ADAMTS3: variants seen among roughly 807,000 people sequenced by gnomAD.
ADAMTS3 encodes the protein A disintegrin and metalloproteinase with thrombospondin motifs 3.
A neutral mutation model predicts 129.0 loss-of-function variants in ADAMTS3; 73 were observed. That is an observed-to-expected ratio of 0.57 (90% CI 0.47 to 0.69). The LOEUF is 0.69. Among genes scored for constraint, ADAMTS3 ranks in the 30% least tolerant of loss-of-function variants. ADAMTS3 has a pLI of 0.00. For missense variants in ADAMTS3, 1,457 were observed against 1,514.5 expected, an observed-to-expected ratio of 0.96 and a Z score of 0.63; for synonymous variants, 477 against 510.8, an observed-to-expected ratio of 0.93 and a Z score of 0.89.
At chr4:72,371,926 C>T (rs1415513435) in intron 4 of ADAMTS3, among the ~76,000 whole-genome samples, 5 of 151,686 alleles carry the variant, frequency 3.3e-5, no homozygotes, top group African/African-American at 1.2e-4. Flanking sequence ...ATGAATCATT[C>T]TGTGTTCTCC....
intron 3 of ADAMTS3, among the ~76,000 whole-genome samples, chr4:72,458,804 T>C (rs910289359): frequency 6.6e-6 from 1 of 151,160 alleles, no homozygotes; most frequent in Non-Finnish European, 1.5e-5. Context: ...TCAGAAAGAG[T>C]TTCTACTCGT....
chr4:72,364,157 A>G (rs1206829398), intron 4 of ADAMTS3, among the ~76,000 whole-genome samples: 1 of 152,082 alleles, frequency 6.6e-6, no homozygotes, highest in Non-Finnish European at 1.5e-5. Context: ...ACCAATAAAC[A>G]TGAAAAATTC....
intron 3 of ADAMTS3, among the ~76,000 whole-genome samples, chr4:72,545,777 C>T (rs959177458): frequency 3.9e-5 from 6 of 152,198 alleles, no homozygotes; most frequent in Non-Finnish European, 5.9e-5. Context: ...GGTCTTCAGA[C>T]ATCGAGTTCT....
chr4:72,497,902 G>A (rs979387880), intron 3 of ADAMTS3, among the ~76,000 whole-genome samples: 1 of 151,992 alleles, frequency 6.6e-6, no homozygotes, highest in African/African-American at 2.4e-5. Flanking sequence ...GTGCCTCAAG[G>A]ACTTTTTCTC....
chr4:72,321,484 G>A (rs1688904635), intron 6 of ADAMTS3, among the ~76,000 whole-genome samples: 1 of 151,972 alleles, frequency 6.6e-6, no homozygotes, highest in African/African-American at 2.4e-5. Context: ...CTATTGTGAG[G>A]CAACTTAACA....
chr4:72,472,455 C>T (rs1425042353), intron 3 of ADAMTS3, among the ~76,000 whole-genome samples: 1 of 152,098 alleles, frequency 6.6e-6, no homozygotes, highest in East Asian at 1.9e-4. Context: ...ATAAAAATAA[C>T]TCAACATTCT....
intron 3 of ADAMTS3, among the ~76,000 whole-genome samples, chr4:72,444,344 A>G (rs1718197752): frequency 6.6e-6 from 1 of 151,710 alleles, no homozygotes; most frequent in South Asian, 2.1e-4. Context: ...ATCATAAAAA[A>G]CAGGTTGGTA....
intron 4 of ADAMTS3, among the ~76,000 whole-genome samples, chr4:72,388,044 C>A (rs1455283875): frequency 6.6e-6 from 1 of 152,120 alleles, no homozygotes; most frequent in African/African-American, 2.4e-5. Flanking sequence ...GACTGAAAAC[C>A]AGACTACTTT....
At chr4:72,390,412 C>T (rs1721561314) in intron 4 of ADAMTS3, among the ~76,000 whole-genome samples, 1 of 152,076 alleles carries the variant, frequency 6.6e-6, no homozygotes, top group Non-Finnish European at 1.5e-5. Context: ...ACTTGTCTTT[C>T]CCCATTTTAC....
chr4:72,436,443 T>C (rs1462210537), intron 3 of ADAMTS3, among the ~76,000 whole-genome samples: 2 of 152,128 alleles, frequency 1.3e-5, no homozygotes, highest in African/African-American at 4.8e-5. Context: ...TGGAAGACAG[T>C]GTGGCGATTC....
Position 72,568,827 on chromosome 4 carries a change from C to A in ADAMTS3, c.-65G>T. The A allele has an allele frequency of 1.7e-6, 2 of 1,177,646 alleles. No individual in the cohort carries two copies. Among genetic ancestry groups the A allele is most frequent in the Non-Finnish European group, 1.2e-6 (1 of 835,250 alleles). 72.9% of individuals were successfully genotyped at this position (1,177,646 alleles called of 1,614,324 possible). A position where few individuals can be genotyped will look rare whatever the true frequency, so the allele number is the denominator to read the frequency against. On this transcript the variant is annotated 5_prime_UTR_variant, in exon 1 of 22. Transcript: ENST00000286657. Reference sequence around the variant, plus strand: ...ATGCCCAGAGCAAACCCACCCCCCCCGCCCAAAATAAGTTTCTTTAAGAAA... The same window carrying A: ...ATGCCCAGAGCAAACCCACCCCCCCAGCCCAAAATAAGTTTCTTTAAGAAA...
intron 3 of ADAMTS3, among the ~76,000 whole-genome samples, chr4:72,454,694 G>A (rs1718496152): frequency 6.6e-6 from 1 of 151,618 alleles, no homozygotes; most frequent in Admixed American, 6.6e-5. Flanking sequence ...AAGACCAGGA[G>A]AAGGATATTA....
chr4:72,535,674 T>C (rs1182520960), intron 3 of ADAMTS3, among the ~76,000 whole-genome samples: 4 of 152,108 alleles, frequency 2.6e-5, no homozygotes, highest in Non-Finnish European at 5.9e-5. Context: ...TTCCTTTCAA[T>C]TGCCTCCACA....
intron 3 of ADAMTS3, among the ~76,000 whole-genome samples, chr4:72,467,232 C>T (rs2109989796): frequency 6.6e-6 from 1 of 152,074 alleles, no homozygotes; most frequent in Admixed American, 6.6e-5. Flanking sequence ...AAAATTATAC[C>T]TATTGATTTC....
At chr4:72,373,691 A>G (rs1721068548) in intron 4 of ADAMTS3, among the ~76,000 whole-genome samples, 1 of 151,898 alleles carries the variant, frequency 6.6e-6, no homozygotes, top group South Asian at 2.1e-4. Context: ...TTGGACCCAG[A>G]TGTTTGAGAC....
intron 3 of ADAMTS3, among the ~76,000 whole-genome samples, chr4:72,470,035 T>C (rs1719023003): frequency 6.6e-6 from 1 of 152,122 alleles, no homozygotes; most frequent in East Asian, 1.9e-4. Flanking sequence ...AACCTCCGCA[T>C]TGATCAAGGA....
At chr4:72,504,186 G>A (rs972143920) in intron 3 of ADAMTS3, among the ~76,000 whole-genome samples, 1 of 152,124 alleles carries the variant, frequency 6.6e-6, no homozygotes, top group African/African-American at 2.4e-5. Flanking sequence ...TATTGGGTCT[G>A]TGGGCTATGT....
intron 3 of ADAMTS3, among the ~76,000 whole-genome samples, chr4:72,494,080 ACTTTACAG>A (rs1719814954): frequency 6.6e-6 from 1 of 152,018 alleles, no homozygotes; most frequent in Non-Finnish European, 1.5e-5. Context: ...ATGTTTGGAG[ACTTTACAG>A]CTTTCATGAA....
intron 20 of ADAMTS3, among the ~76,000 whole-genome samples, chr4:72,290,496 G>A (rs892194158): frequency 5.3e-5 from 8 of 152,174 alleles, no homozygotes; most frequent in Non-Finnish European, 1.2e-4. Context: ...GGGACAAAGA[G>A]TTGGAATGAA....
Sources: allele counts gnomAD v4.1 joint callset (sites outside exome capture counted in the v4.1 genomes callset), GRCh38; gene constraint gnomAD v4.1.1; transcripts MANE v1.5; gene names NCBI Gene and HGNC (gene_info 2026-07-23, HGNC 2026-07-21).